CDC42BPA: variants seen among roughly 807,000 people sequenced by gnomAD.
CDC42BPA encodes the protein CDC42 binding protein kinase alpha.
In CDC42BPA, 80 loss-of-function variants were observed where a neutral mutation model predicts 223.5. The ratio of observed to expected loss-of-function variants is 0.36; its 90% confidence interval spans 0.30 to 0.43. CDC42BPA has a LOEUF of 0.43. CDC42BPA is among the 20% of genes least tolerant of loss of function. The pLI is 1.00. For synonymous variants in CDC42BPA, 694 were observed against 718.6 expected, an observed-to-expected ratio of 0.97 and a Z score of 0.55; for missense variants, 1,743 against 2,099.9, an observed-to-expected ratio of 0.83 and a Z score of 3.32.
In CDC42BPA at chr1:227,069,836, A is replaced by C. The variant is rs759443180; in HGVS notation, c.2845T>G (p.Ser949Ala). 2 of 1,611,568 alleles carry C rather than the reference A, an allele frequency of 1.2e-6. No homozygotes were observed. Among genetic ancestry groups the C allele is most frequent in the Non-Finnish European group, 8.5e-7 (1 of 1,178,078 alleles). The change falls in exon 21 of 37, where the codon TCA becomes GCA. Residue 949 changes from serine to alanine, a missense_variant. Ser to Ala is a moderately conservative substitution (Grantham distance 99). Coordinates refer to ENST00000366766, the MANE Select transcript of CDC42BPA (RefSeq NM_001394014.1). ...RSEKGIEHQD[S>A]QHSFLAFLNT... ...AAAAATGCCAAGAAAGAATGCTGTG[A>C]GTCTTGGTGCTCTATACCTAGAAGA... is the stretch of plus-strand genomic sequence containing the variant.
chr1:227,148,772 C>CAAAAAAAAAAAA (rs57635319), intron 6 of CDC42BPA, among the ~76,000 whole-genome samples: 2 of 78,788 alleles, frequency 2.5e-5, no homozygotes, highest in African/African-American at 1.1e-4. Context: ...GTCTCAAAAG[C>CAAAAAAAAAAAA]AAAAAAAAAA....
In CDC42BPA at chr1:227,247,895, A is replaced by T. The variant is rs1306410181; in HGVS notation, c.270+6169T>A. 2.6e-5 allele frequency among the ~76,000 whole-genome samples: 4 copies of T among 152,210 alleles called. No individual in the cohort carries two copies. The East Asian group carries it at 7.7e-4, about 29-fold the overall frequency. ...TGACTCCATCTCAAAATAAATAAATAAACAAACAATAATTTTTAAAAATCA... is the reference window on the plus strand; with the variant it reads ...TGACTCCATCTCAAAATAAATAAATTAACAAACAATAATTTTTAAAAATCA... On this transcript the variant is annotated intron_variant, in intron 2 of 36. Transcript: ENST00000366766.
intron 1 of CDC42BPA, among the ~76,000 whole-genome samples, chr1:227,292,997 T>G (rs1158598055): frequency 6.6e-6 from 1 of 152,202 alleles, no homozygotes; most frequent in Non-Finnish European, 1.5e-5. Flanking sequence ...GTATCTAAAG[T>G]TGGAGTTTTA....
intron 1 of CDC42BPA, among the ~76,000 whole-genome samples, chr1:227,315,104 C>A (rs772053865): frequency 2.0e-5 from 3 of 152,026 alleles, no homozygotes; most frequent in Non-Finnish European, 4.4e-5. Flanking sequence ...ACAGCAAATA[C>A]CACTACTCAC....
chr1:227,228,222 T>C (rs1050929297), intron 2 of CDC42BPA, among the ~76,000 whole-genome samples: 1 of 152,232 alleles, frequency 6.6e-6, no homozygotes, highest in South Asian at 2.1e-4. Context: ...CAAACCATCA[T>C]AGCACGTTTA....
chr1:227,207,908 A>G (rs1673095231), intron 3 of CDC42BPA, among the ~76,000 whole-genome samples: 2 of 97,846 alleles, frequency 2.0e-5, no homozygotes, highest in African/African-American at 8.3e-5. Context: ...GTCAAATGGT[A>G]TTTCTAGTTC....
intron 34 of CDC42BPA, 24 bp from the exon 35 acceptor site, chr1:227,005,135 A>T (rs759055412): frequency 6.6e-7 from 1 of 1,505,682 alleles, no homozygotes; most frequent in Non-Finnish European, 9.2e-7. Context: ...CGAGAGAGAC[A>T]TCCTTTAGCC....
intron 7 of CDC42BPA, 66 bp downstream of exon 7, chr1:227,147,293 T>C (rs1166124010): frequency 8.7e-7 from 1 of 1,155,540 alleles, no homozygotes; most frequent in Non-Finnish European, 1.2e-6. Context: ...TATTTTCTCT[T>C]TAAAAATGGT....
intron 11 of CDC42BPA, among the ~76,000 whole-genome samples, chr1:227,123,850 A>T (rs1571801884): frequency 6.6e-6 from 1 of 152,196 alleles, no homozygotes; most frequent in Admixed American, 6.5e-5. Context: ...GGGGAGAGAG[A>T]GAGAGAGTGT....
chr1:227,045,233 C>T (rs1572454970), intron 23 of CDC42BPA, among the ~76,000 whole-genome samples: 1 of 152,162 alleles, frequency 6.6e-6, no homozygotes, highest in Admixed American at 6.5e-5. Flanking sequence ...AATTTTTTCC[C>T]CCCTGCAACT....
intron 1 of CDC42BPA, among the ~76,000 whole-genome samples, chr1:227,274,158 A>G (rs1268256193): frequency 1.3e-5 from 2 of 152,106 alleles, no homozygotes; most frequent in Non-Finnish European, 2.9e-5. Context: ...AACAATATAC[A>G]GTTCATGAAT....
chr1:227,057,501 G>C (rs1674830974), intron 21 of CDC42BPA, among the ~76,000 whole-genome samples: 1 of 151,972 alleles, frequency 6.6e-6, no homozygotes, highest in African/African-American at 2.4e-5. Flanking sequence ...GAAATACACT[G>C]ATGTCCCAGG....
intron 1 of CDC42BPA, among the ~76,000 whole-genome samples, chr1:227,273,509 T>C (rs1186048351): frequency 1.3e-5 from 2 of 150,178 alleles, no homozygotes; most frequent in African/African-American, 4.9e-5. Context: ...CACTCCAGCC[T>C]GGGCGACAAG....
At chr1:227,013,475 G>A (rs993982723) in intron 34 of CDC42BPA, among the ~76,000 whole-genome samples, 2 of 151,680 alleles carry the variant, frequency 1.3e-5, no homozygotes, top group East Asian at 3.8e-4. Flanking sequence ...TTCTTATAAT[G>A]TTTGAAATCT....
chr1:227,228,181 A>C (rs1183474846), intron 2 of CDC42BPA, among the ~76,000 whole-genome samples: 1 of 152,220 alleles, frequency 6.6e-6, no homozygotes, highest in Non-Finnish European at 1.5e-5. Context: ...TGTGGAGCTT[A>C]ATCACCTAGG....
At position 227,264,657 on chromosome 1, in the gene CDC42BPA, A is replaced by G. The variant is rs568664913; in HGVS notation, c.179-10502T>C. 15 of 561,852 alleles carry G rather than the reference A, an allele frequency of 2.7e-5. No homozygotes were observed. The East Asian group carries it at 3.9e-4, about 15-fold the overall frequency. The allele number at this position is 561,852 out of a possible 1,614,324, so 34.8% of individuals were successfully genotyped here. A position where few individuals can be genotyped will look rare whatever the true frequency, so the allele number is the denominator to read the frequency against. On this transcript the variant is annotated intron_variant, in intron 1 of 36. Coordinates refer to ENST00000366766, the MANE Select transcript of CDC42BPA (RefSeq NM_001394014.1). ...ATTAATTAATGTTGCCCTAAGTTTT[A>G]CCAGTTTTAAAAATTTTTTAATTTC...
chr1:227,256,022 A>G (rs12565871), intron 1 of CDC42BPA, among the ~76,000 whole-genome samples: 30,736 of 152,162 alleles, frequency 0.2, 3,173 homozygotes, highest in East Asian at 0.26. Flanking sequence ...TCATGTATCT[A>G]CTAAGGAATT....
chr1:227,120,345 A>G (rs1688453932), intron 11 of CDC42BPA, among the ~76,000 whole-genome samples: 1 of 152,222 alleles, frequency 6.6e-6, no homozygotes. Flanking sequence ...TGATTCTAAC[A>G]GGGTGGTTCC....
At chr1:227,066,416 A>G (rs1269327905) in intron 21 of CDC42BPA, among the ~76,000 whole-genome samples, 3 of 151,844 alleles carry the variant, frequency 2.0e-5, no homozygotes, top group Non-Finnish European at 4.4e-5. Flanking sequence ...CAAAAACAAA[A>G]AAAGAATCCA....
Sources: gnomAD v4.1 joint callset for allele counts (sites outside exome capture counted in the v4.1 genomes callset) on GRCh38, gnomAD v4.1.1 for gene constraint, MANE v1.5 for transcripts, NCBI Gene and HGNC (gene_info 2026-07-23, HGNC 2026-07-21) for gene names.